LARP4B: variants seen among roughly 807,000 people sequenced by gnomAD.
The protein encoded by LARP4B is la-related protein 4B.
LARP4B carries 12 observed loss-of-function variants against 89.8 expected under a neutral mutation model. The ratio of observed to expected loss-of-function variants is 0.13; its 90% CI spans 0.09 to 0.22. The LOEUF (loss-of-function observed/expected upper bound fraction) is 0.22, where lower values mean the gene tolerates loss of function less well. LARP4B is among the 10% of genes least tolerant of loss of function. The pLI is 1.00. For synonymous variants in LARP4B, 367 were observed against 363.3 expected, an observed-to-expected ratio of 1.01 and a Z score of -0.12; for missense variants, 757 against 947.7, an observed-to-expected ratio of 0.80 and a Z score of 2.64.
chr10:876,082 G>GCA (rs1835438564), intron 3 of LARP4B, among the ~76,000 whole-genome samples: 3 of 152,178 alleles, frequency 2.0e-5, no homozygotes, highest in African/African-American at 2.4e-5. Context: ...GGTGGGACAG[G>GCA]CACACACACA....
chr10:876,986 C>T (rs1419621516), intron 3 of LARP4B, among the ~76,000 whole-genome samples: 2 of 152,140 alleles, frequency 1.3e-5, no homozygotes, highest in African/African-American at 4.8e-5. Flanking sequence ...GCTCAAGCCA[C>T]CACTGGGCCC....
chr10:985,891 C>T, the LARP4B span: 25 of 152,322 alleles, frequency 1.6e-4, no homozygotes, highest in African/African-American at 6.0e-4. Context: ...AGACACAGTT[C>T]CTGTCCACGA....
chr10:834,221 TC>T (rs1833078881), intron 8 of LARP4B, among the ~76,000 whole-genome samples: 1 of 152,204 alleles, frequency 6.6e-6, no homozygotes, highest in South Asian at 2.1e-4. Context: ...TATGTTGTTG[TC>T]CCATCACTGG....
chr10:919,205 T>C (rs1836913269), intron 1 of LARP4B, among the ~76,000 whole-genome samples: 1 of 152,234 alleles, frequency 6.6e-6, no homozygotes, highest in Admixed American at 6.5e-5. Context: ...TCTCTGATGC[T>C]GAACTATGAT....
Position 830,922 on chromosome 10 carries a change from A to G in LARP4B, c.806T>C (p.Phe269Ser). The change falls in exon 9 of 18, where the codon TTT (phenylalanine) becomes TCT (serine). Residue 269 changes from phenylalanine (F) to serine (S), a missense_variant. Transcript: ENST00000316157. ...DNLPKFINCE[F>S]AYNDNWFITF... is the part of the protein sequence containing the mutation. The stretch of plus-strand genomic sequence containing the variant: ...AATAAACCAATTATCATTATATGCA[A>G]ATTCACAGTTTATAAATTTTGGTAA... The G allele has an allele frequency of 7.0e-7, 1 of 1,426,050 alleles. No homozygotes were observed. Among genetic ancestry groups the G allele is most frequent in the Non-Finnish European group, 9.9e-7 (1 of 1,013,094 alleles). 88.3% of individuals were successfully genotyped at this position (1,426,050 alleles called of 1,614,324 possible). A position where few individuals can be genotyped will look rare whatever the true frequency, so the allele number is the denominator to read the frequency against.
chr10:825,413 C>A, intron 12 of LARP4B, 97 bp from the exon 13 acceptor site: 1 of 1,201,486 alleles, frequency 8.3e-7, no homozygotes, highest in South Asian at 1.4e-5. Context: ...GAAATCTGCT[C>A]TCTGTTTAAT....
chr10:876,259 C>T (rs1835447275), intron 3 of LARP4B, among the ~76,000 whole-genome samples: 1 of 152,104 alleles, frequency 6.6e-6, no homozygotes, highest in Non-Finnish European at 1.5e-5. Flanking sequence ...TGGTGCATGC[C>T]TGTAATCCCA....
chr10:964,116 G>A, the LARP4B span, among the ~76,000 whole-genome samples: 1 of 152,210 alleles, frequency 6.6e-6, no homozygotes. Context: ...GCCCAGGCTA[G>A]AGTGCAGTGG....
intron 1 of LARP4B, among the ~76,000 whole-genome samples, chr10:910,376 G>GT (rs1836635970): frequency 6.6e-6 from 1 of 152,102 alleles, no homozygotes; most frequent in South Asian, 2.1e-4. Context: ...GCTGACATAC[G>GT]TGATGTAAGA....
chr10:913,964 TAAAC>T, intron 1 of LARP4B, among the ~76,000 whole-genome samples: 1 of 152,322 alleles, frequency 6.6e-6, no homozygotes, highest in South Asian at 2.1e-4. Flanking sequence ...AAGATATTTA[TAAAC>T]AAACTTTTCA....
intron 1 of LARP4B, among the ~76,000 whole-genome samples, chr10:919,627 C>T (rs1226623969): frequency 1.3e-5 from 2 of 152,162 alleles, no homozygotes; most frequent in Non-Finnish European, 1.5e-5. Context: ...ACACACACCA[C>T]AGTTGCCTGA....
In LARP4B at chr10:812,946, G is replaced by C. The variant is rs1564374208; in HGVS notation, c.2197C>G (p.Pro733Ala). The C allele has an allele frequency of 6.4e-7, 1 of 1,550,500 alleles. No homozygotes were observed. Reference sequence around the variant, plus strand: ...GGTTTTCACTGAGGAGACTTGGGGGGAGTGCTCTGCTCTCGGCTGAGACGC... The same window carrying C: ...GGTTTTCACTGAGGAGACTTGGGGGCAGTGCTCTGCTCTCGGCTGAGACGC... ...GKRLSREQST[P>A]PKSPQ is the part of the protein sequence containing the mutation. The change falls in exon 18 of 18, where the codon CCC becomes GCC. Residue 733 changes from proline (P) to alanine (A), a missense_variant. Pro to Ala is a conservative substitution (Grantham distance 27). Coordinates refer to ENST00000316157, the MANE Select transcript of LARP4B (RefSeq NM_015155.3).
chr10:863,034 T>A (rs960667862), intron 5 of LARP4B, among the ~76,000 whole-genome samples: 1 of 152,168 alleles, frequency 6.6e-6, no homozygotes, highest in Non-Finnish European at 1.5e-5. Flanking sequence ...CATTTCCTCA[T>A]CAACAGGAAA....
At chr10:973,133 G>A in the LARP4B span, 1 of 353,972 alleles carries the variant, frequency 2.8e-6, no homozygotes, top group Non-Finnish European at 5.6e-6. Context: ...TCTGGTGATG[G>A]AGGGGGATGT....
At chr10:969,233 A>G in the LARP4B span, among the ~76,000 whole-genome samples, 1 of 152,210 alleles carries the variant, frequency 6.6e-6, no homozygotes, top group Admixed American at 6.5e-5. Context: ...GTAGGCAGTG[A>G]CAACCTGTAT....
At chr10:856,843 T>G (rs1466367407) in intron 5 of LARP4B, among the ~76,000 whole-genome samples, 1 of 152,166 alleles carries the variant, frequency 6.6e-6, no homozygotes, top group African/African-American at 2.4e-5. Context: ...TTAACCACAG[T>G]CCAACTTGCT....
At chr10:933,888 C>T (rs908678144), upstream of LARP4B, among the ~76,000 whole-genome samples, 3 of 151,748 alleles carry the variant, frequency 2.0e-5, no homozygotes, top group South Asian at 2.1e-4. Context: ...GCTGGAGTGC[C>T]GTGGCATAAT....
At chr10:923,172 G>A (rs932546522) in intron 1 of LARP4B, among the ~76,000 whole-genome samples, 1 of 152,116 alleles carries the variant, frequency 6.6e-6, no homozygotes, top group Non-Finnish European at 1.5e-5. Context: ...AAATGCCAGT[G>A]TTCTATCCGT....
the LARP4B span, among the ~76,000 whole-genome samples, chr10:963,950 G>T: frequency 6.6e-6 from 1 of 152,268 alleles, no homozygotes; most frequent in African/African-American, 2.4e-5. Flanking sequence ...TATTTTTGGG[G>T]GACACATTCA....
Sources: allele counts gnomAD v4.1 joint callset (sites outside exome capture counted in the v4.1 genomes callset), GRCh38; gene constraint gnomAD v4.1.1; transcripts MANE v1.5; gene names NCBI Gene and HGNC (gene_info 2026-07-23, HGNC 2026-07-21).